Variants in CSMD3 observed in about 807,000 individuals in gnomAD.
The protein encoded by CSMD3 is CUB and sushi domain-containing protein 3.
CSMD3 carries 177 observed loss-of-function variants against 435.2 expected under a neutral mutation model. That is an observed-to-expected ratio of 0.41 (90% confidence interval 0.36 to 0.46). CSMD3 has a LOEUF of 0.46. Ranked by LOEUF, CSMD3 falls within the 20% of genes least tolerant of loss-of-function variation. CSMD3 has a pLI of 0.34. For missense variants in CSMD3, 4,265 were observed against 4,504.6 expected (o/e 0.95, Z 1.52); for synonymous variants, 1,656 against 1,520.5 (o/e 1.09, Z -2.07).
At chr8:112,467,921 T>C (rs1022685751) in intron 32 of CSMD3, among the ~76,000 whole-genome samples, 1 of 152,182 alleles carries the variant, frequency 6.6e-6, no homozygotes, top group African/African-American at 2.4e-5. Flanking sequence ...ATTTCAGGCA[T>C]CCAGTCTCTA....
At chr8:113,155,906 G>A (rs926530726) in intron 4 of CSMD3, among the ~76,000 whole-genome samples, 1 of 152,058 alleles carries the variant, frequency 6.6e-6, no homozygotes, top group Non-Finnish European at 1.5e-5. Context: ...CTGTTGGAAG[G>A]TGGATACAGG....
chr8:112,969,105 T>C (rs543292013), intron 7 of CSMD3, among the ~76,000 whole-genome samples: 54 of 151,994 alleles, frequency 3.6e-4, no homozygotes, highest in African/African-American at 1.2e-3. Flanking sequence ...TGTAAAAGAG[T>C]GTTACACCAG....
In CSMD3 at chr8:112,460,610, G is replaced by A. The variant is rs531499083; in HGVS notation, c.5395+11981C>T. On this transcript the variant is annotated intron_variant, in intron 32 of 70. Transcript: ENST00000297405. Reference sequence around the variant, plus strand: ...GATTTCATTTATGTTATCTACCATTGAATGAAAGATTTTAATTTGAATTTT... The same window carrying A: ...GATTTCATTTATGTTATCTACCATTAAATGAAAGATTTTAATTTGAATTTT... Among the ~76,000 whole-genome samples the A allele has an allele frequency of 7.9e-5, 12 of 152,050 alleles. No homozygotes were observed. In the South Asian group the frequency reaches 2.5e-3, roughly 31 times the overall value.
At chr8:112,939,819 TAA>T (rs899155747) in intron 9 of CSMD3, among the ~76,000 whole-genome samples, 1 of 151,816 alleles carries the variant, frequency 6.6e-6, no homozygotes, top group Non-Finnish European at 1.5e-5. Flanking sequence ...GTAGATTCAA[TAA>T]AAGAGTGAAA....
chr8:112,616,523 CA>C (rs1273225082), intron 22 of CSMD3, among the ~76,000 whole-genome samples: 1 of 152,088 alleles, frequency 6.6e-6, no homozygotes, highest in Non-Finnish European at 1.5e-5. Flanking sequence ...AGTAGTCCCT[CA>C]CCAACAATCA....
chr8:113,329,713 T>A (rs112622774), intron 1 of CSMD3, among the ~76,000 whole-genome samples: 1 of 151,964 alleles, frequency 6.6e-6, no homozygotes, highest in Non-Finnish European at 1.5e-5. Flanking sequence ...AAAGTGAGAA[T>A]CTTGAAAGCA....
chr8:113,039,465 A>C (rs958803199), intron 5 of CSMD3, among the ~76,000 whole-genome samples: 3 of 152,236 alleles, frequency 2.0e-5, no homozygotes, highest in Non-Finnish European at 4.4e-5. Flanking sequence ...CACAATTTAC[A>C]TACACCCTTG....
chr8:112,306,361 T>A (rs947848098), intron 50 of CSMD3, among the ~76,000 whole-genome samples, 169 bp from the exon 51 acceptor site: 13 of 152,244 alleles, frequency 8.5e-5, no homozygotes, highest in African/African-American at 2.9e-4. Flanking sequence ...TTTTGAATAA[T>A]TTATTCCAAA....
intron 12 of CSMD3, among the ~76,000 whole-genome samples, chr8:112,820,566 C>T (rs1653447878): frequency 6.6e-6 from 1 of 151,466 alleles, no homozygotes; most frequent in East Asian, 1.9e-4. Context: ...AGATTGCTCA[C>T]ACTCTCACTA....
intron 4 of CSMD3, among the ~76,000 whole-genome samples, chr8:113,110,732 T>G (rs1464472410): frequency 6.6e-6 from 1 of 152,208 alleles, no homozygotes; most frequent in Non-Finnish European, 1.5e-5. Context: ...CCAGCCTCTA[T>G]TTGTTACCTA....
intron 32 of CSMD3, among the ~76,000 whole-genome samples, chr8:112,444,930 CA>C (rs1304146670): frequency 6.6e-6 from 1 of 151,978 alleles, no homozygotes; most frequent in African/African-American, 2.4e-5. Flanking sequence ...TTCGTTTTAA[CA>C]AAGAAAAATG....
intron 5 of CSMD3, among the ~76,000 whole-genome samples, chr8:113,083,395 G>A (rs940706637): frequency 6.6e-6 from 1 of 151,992 alleles, no homozygotes; most frequent in South Asian, 2.1e-4. Flanking sequence ...AGCAAAGCTA[G>A]GTAGCTTAAG....
At chr8:112,913,536 T>A (rs2082486863) in intron 10 of CSMD3, among the ~76,000 whole-genome samples, 1 of 151,986 alleles carries the variant, frequency 6.6e-6, no homozygotes, top group African/African-American at 2.4e-5. Context: ...AATAAACTAT[T>A]GTAATTATAT....
chr8:112,587,277 G>C (rs982054206), intron 22 of CSMD3, 42 bp from the exon 23 acceptor site: 8 of 1,421,278 alleles, frequency 5.6e-6, no homozygotes, highest in Non-Finnish European at 7.9e-6. Flanking sequence ...TTAATAGATA[G>C]CAGTATCATT....
At chr8:112,243,219 A>G (rs1814339151) in intron 65 of CSMD3, among the ~76,000 whole-genome samples, 1 of 145,128 alleles carries the variant, frequency 6.9e-6, no homozygotes, top group Non-Finnish European at 1.5e-5. Flanking sequence ...TTCTCATACT[A>G]CAGCGATTTC....
chr8:112,842,644 G>C (rs1329549280), intron 11 of CSMD3, among the ~76,000 whole-genome samples: 3 of 151,772 alleles, frequency 2.0e-5, no homozygotes, highest in African/African-American at 4.8e-5. Context: ...CAGAAGTCCA[G>C]ATAAGTTTTT....
chr8:112,393,956 T>TCCC (rs766940882), intron 35 of CSMD3, among the ~76,000 whole-genome samples: 1 of 151,954 alleles, frequency 6.6e-6, no homozygotes. Flanking sequence ...CTAATCACTG[T>TCCC]CCCCCCTTCC....
chr8:112,543,441 C>A (rs1826864920), intron 27 of CSMD3, among the ~76,000 whole-genome samples: 1 of 151,824 alleles, frequency 6.6e-6, no homozygotes. Flanking sequence ...ATAGGCATTT[C>A]TATAAAAAAG....
At chr8:112,855,498 A>G (rs1245534181) in intron 11 of CSMD3, among the ~76,000 whole-genome samples, 2 of 152,126 alleles carry the variant, frequency 1.3e-5, no homozygotes, top group Non-Finnish European at 2.9e-5. Context: ...TAAAAAAGTC[A>G]GACTTTGTGT....
Sources: allele counts gnomAD v4.1 joint callset (sites outside exome capture counted in the v4.1 genomes callset), GRCh38; gene constraint gnomAD v4.1.1; transcripts MANE v1.5; gene names NCBI Gene and HGNC (gene_info 2026-07-23, HGNC 2026-07-21).